CPED1: variants seen among roughly 807,000 people sequenced by gnomAD.
The protein encoded by CPED1 is cadherin like and PC-esterase domain containing 1.
A neutral mutation model predicts 128.2 loss-of-function variants in CPED1; 114 were observed. That is an observed-to-expected ratio of 0.89 (90% CI 0.76 to 1.04). The LOEUF (loss-of-function observed/expected upper bound fraction) is 1.04, where lower values mean the gene tolerates loss of function less well. Ranked by LOEUF, CPED1 falls within the 50% of genes least tolerant of loss-of-function variation. CPED1 has a pLI of 0.00. For synonymous variants in CPED1, 462 were observed against 426.7 expected (o/e 1.08, Z -1.02); for missense variants, 1,211 against 1,207.1 (o/e 1.00, Z -0.05).
At chr7:121,274,886 A>T (rs1792301537) in intron 22 of CPED1, among the ~76,000 whole-genome samples, 1 of 152,178 alleles carries the variant, frequency 6.6e-6, no homozygotes, top group Non-Finnish European at 1.5e-5. Flanking sequence ...GACTGCTCTC[A>T]TGTCTAAAAA....
intron 5 of CPED1, among the ~76,000 whole-genome samples, chr7:121,091,060 A>G (rs985624786): frequency 3.3e-5 from 5 of 152,158 alleles, no homozygotes; most frequent in Non-Finnish European, 7.4e-5. Context: ...AGTTTTGTCT[A>G]GGTGTCATAA....
chr7:121,031,008 T>C (rs554418119), intron 3 of CPED1, among the ~76,000 whole-genome samples: 143 of 152,210 alleles, frequency 9.4e-4, no homozygotes, highest in African/African-American at 3.3e-3. Context: ...AATGGTGGAG[T>C]TGACGCTTGA....
At chr7:121,122,011 T>A (rs910099762) in intron 7 of CPED1, among the ~76,000 whole-genome samples, 2 of 152,182 alleles carry the variant, frequency 1.3e-5, no homozygotes, top group African/African-American at 4.8e-5. Context: ...TTTTGGAGAC[T>A]TTGAAAGTTT....
At chr7:121,244,948 T>C (rs927907921) in intron 18 of CPED1, among the ~76,000 whole-genome samples, 15 of 152,072 alleles carry the variant, frequency 9.9e-5, no homozygotes, top group Non-Finnish European at 1.9e-4. Context: ...CTAGGTAGAG[T>C]CTGGCAGAAC....
chr7:121,172,345 A>G (rs908630032), intron 16 of CPED1, among the ~76,000 whole-genome samples: 2 of 151,806 alleles, frequency 1.3e-5, no homozygotes, highest in Non-Finnish European at 2.9e-5. Flanking sequence ...TTTCTATCTC[A>G]CAGTTTCATT....
intron 3 of CPED1, among the ~76,000 whole-genome samples, chr7:121,023,272 A>G (rs973564950): frequency 6.6e-6 from 1 of 152,162 alleles, no homozygotes; most frequent in Non-Finnish European, 1.5e-5. Flanking sequence ...ATATTTTTGT[A>G]TTCCCATTGT....
At chr7:121,060,601 G>GT (rs1485708499) in intron 4 of CPED1, among the ~76,000 whole-genome samples, 1 of 152,140 alleles carries the variant, frequency 6.6e-6, no homozygotes, top group Non-Finnish European at 1.5e-5. Flanking sequence ...TGGACACTCT[G>GT]TATCTAGCTA....
chr7:121,295,428 C>A lies in CPED1; in HGVS notation c.2869-12C>A. On this transcript the variant is annotated splice_polypyrimidine_tract_variant and intron_variant, in intron 22 of 22. Coordinates refer to ENST00000310396, the MANE Select transcript of CPED1 (RefSeq NM_024913.5). ...GATTTTGCCTCACAGTTTTCTTGCT[C>A]TTCATTTACAGGTAGTGAAATCAAA... The A allele has an allele frequency of 6.2e-7, 1 of 1,603,824 alleles. No homozygotes were observed. Among genetic ancestry groups the A allele is most frequent in the South Asian group, 1.1e-5 (1 of 89,746 alleles).
chr7:121,248,946 G>T (rs1291222133), intron 18 of CPED1, among the ~76,000 whole-genome samples: 1 of 152,130 alleles, frequency 6.6e-6, no homozygotes, highest in Non-Finnish European at 1.5e-5. Context: ...AATGATTCAA[G>T]AGTTCAAAGA....
intron 16 of CPED1, among the ~76,000 whole-genome samples, chr7:121,163,731 A>T (rs1039828177): frequency 6.6e-6 from 1 of 152,232 alleles, no homozygotes; most frequent in Non-Finnish European, 1.5e-5. Flanking sequence ...TGGGCCATGA[A>T]AAAATGACAA....
intron 22 of CPED1, among the ~76,000 whole-genome samples, chr7:121,290,617 G>A (rs1444140889): frequency 6.6e-6 from 1 of 152,200 alleles, no homozygotes; most frequent in Non-Finnish European, 1.5e-5. Context: ...TTTGAGAAGT[G>A]TCTGTTCATA....
chr7:121,021,332 C>A (rs1013065052), intron 3 of CPED1, among the ~76,000 whole-genome samples: 1 of 151,848 alleles, frequency 6.6e-6, no homozygotes, highest in Non-Finnish European at 1.5e-5. Context: ...CATTCACTTG[C>A]ACTTTAAAGA....
chr7:121,012,864 C>T (rs1792196397), intron 2 of CPED1, among the ~76,000 whole-genome samples: 1 of 152,158 alleles, frequency 6.6e-6, no homozygotes, highest in African/African-American at 2.4e-5. Flanking sequence ...AATATGCCTT[C>T]TACAGGGTAT....
chr7:121,208,295 C>T lies in CPED1; in HGVS notation c.2056-28419C>T, dbSNP rs189189940. 6.1e-4 allele frequency among the ~76,000 whole-genome samples: 93 copies of T among 152,096 alleles called. 1 individual carries two copies. In the East Asian group the frequency reaches 0.014, roughly 23 times the overall value. On this transcript the variant is annotated intron_variant, in intron 16 of 22. Transcript: ENST00000310396. The stretch of plus-strand genomic sequence containing the variant: ...CATAGTACTAATACCAGATAAATTC[C>T]TCAAGCTCTGTAACTCCCATTTGTT...
At chr7:121,047,402 CATTT>C (rs1563004611) in intron 4 of CPED1, among the ~76,000 whole-genome samples, 2 of 152,032 alleles carry the variant, frequency 1.3e-5, no homozygotes. Flanking sequence ...TTAAAATTGA[CATTT>C]AGTACTTACT....
intron 7 of CPED1, 74 bp from the exon 8 acceptor site, chr7:121,124,257 A>G: frequency 1.4e-6 from 2 of 1,391,784 alleles, no homozygotes; most frequent in Non-Finnish European, 1.9e-6. Context: ...CAATCCTTCA[A>G]ATTGGTCACC....
chr7:121,018,138 A>T (rs1213139086), intron 3 of CPED1, among the ~76,000 whole-genome samples: 3 of 151,970 alleles, frequency 2.0e-5, no homozygotes, highest in Admixed American at 6.6e-5. Flanking sequence ...AATACCTGAA[A>T]TTTTTTTTAA....
intron 18 of CPED1, among the ~76,000 whole-genome samples, chr7:121,260,712 A>G (rs1286249356): frequency 6.6e-6 from 1 of 151,836 alleles, no homozygotes; most frequent in East Asian, 1.9e-4. Flanking sequence ...ATGGACAATT[A>G]GCTCTTACTG....
chr7:121,191,990 A>G (rs1189075838), intron 16 of CPED1, among the ~76,000 whole-genome samples: 1 of 152,134 alleles, frequency 6.6e-6, no homozygotes, highest in East Asian at 1.9e-4. Flanking sequence ...AAATACATTG[A>G]AAATATCTTG....
Sources: gnomAD v4.1 joint callset for allele counts (sites outside exome capture counted in the v4.1 genomes callset) on GRCh38, gnomAD v4.1.1 for gene constraint, MANE v1.5 for transcripts, NCBI Gene and HGNC (gene_info 2026-07-23, HGNC 2026-07-21) for gene names.